PRKAG2: variants seen among roughly 807,000 people sequenced by gnomAD.
PRKAG2 encodes the protein 5'-AMP-activated protein kinase subunit gamma-2.
Under a neutral mutation model 69.6 loss-of-function variants are expected in PRKAG2, and 26 were observed. The observed-to-expected ratio is 0.37, with a 90% CI of 0.27 to 0.52. The LOEUF (loss-of-function observed/expected upper bound fraction) is 0.52. Ranked by LOEUF, PRKAG2 falls within the 20% of genes least tolerant of loss-of-function variation. PRKAG2 has a pLI of 0.90. For synonymous variants in PRKAG2, 293 were observed against 285.0 expected, an observed-to-expected ratio of 1.03 and a Z score of -0.28; for missense variants, 557 against 740.0, an observed-to-expected ratio of 0.75 and a Z score of 2.87.
At chr7:151,773,085 GGGAGGGA>G (rs1219594951) in intron 3 of PRKAG2, among the ~76,000 whole-genome samples, 1 of 80,366 alleles carries the variant, frequency 1.2e-5, no homozygotes, top group African/African-American at 5.2e-5. Flanking sequence ...GAGGGAGGGA[GGGAGGGA>G]GGGAAGGGAA....
intron 3 of PRKAG2, among the ~76,000 whole-genome samples, chr7:151,709,896 G>A (rs1254569300): frequency 6.6e-6 from 1 of 152,146 alleles, no homozygotes; most frequent in Non-Finnish European, 1.5e-5. Context: ...TGATGTGACA[G>A]TGACAGTGAC....
chr7:151,605,936 C>CAAAAAAAAAAAAAAAAAAAA lies in PRKAG2; in HGVS notation c.755-10502_755-10483dup, dbSNP rs560080587. On this transcript the variant is annotated intron_variant, in intron 5 of 15. Transcript: ENST00000287878. ...CTGGCGACAGAGCGAGACTCCGTCT[C>CAAAAAAAAAAAAAAAAAAAA]AAAAAAAAAAAAAAAAAAAAGAATT... Among the ~76,000 whole-genome samples, 154 of 91,034 alleles carry CAAAAAAAAAAAAAAAAAAAA rather than the reference C, an allele frequency of 1.7e-3. 3 individuals carry two copies. The highest frequency in any genetic ancestry group is 5.8e-3 in the African/African-American group (151 of 25,868). 59.7% of individuals were successfully genotyped at this position (91,034 alleles called of 152,430 possible). A position where few individuals can be genotyped will look rare whatever the true frequency, so the allele number is the denominator to read the frequency against.
chr7:151,764,306 C>T (rs1197412191), intron 3 of PRKAG2, among the ~76,000 whole-genome samples: 1 of 152,234 alleles, frequency 6.6e-6, no homozygotes, highest in Non-Finnish European at 1.5e-5. Context: ...GAGCGCAGCC[C>T]AGCCCAGGAG....
chr7:151,624,705 C>T (rs1040619800), intron 5 of PRKAG2, among the ~76,000 whole-genome samples: 11 of 152,286 alleles, frequency 7.2e-5, no homozygotes, highest in South Asian at 6.2e-4. Flanking sequence ...CAACTGCAAA[C>T]GTCACAAGCC....
At position 151,644,582 on chromosome 7, in the gene PRKAG2, A is replaced by G. The variant is rs147438765; in HGVS notation, c.685-12444T>C. 2.6e-3 allele frequency among the ~76,000 whole-genome samples: 402 copies of G among 152,338 alleles called. 3 individuals are homozygous for G. Among genetic ancestry groups the G allele is most frequent in the African/African-American group, 9.0e-3 (374 of 41,574 alleles). ...TGGATAGACCCCATTTTGTCTATTC[A>G]TTCACCAGTTGATGGACATGTGGGA... On this transcript the variant is annotated intron_variant, in intron 4 of 15. Transcript: ENST00000287878.
chr7:151,632,144 G>T lies in PRKAG2; in HGVS notation c.685-6C>A, dbSNP rs772481251. 6 of 1,395,218 alleles carry T rather than the reference G, an allele frequency of 4.3e-6. No individual in the cohort carries two copies. The South Asian group carries it at 7.2e-5, about 17-fold the overall frequency. The allele number at this position is 1,395,218 out of a possible 1,614,324, so 86.4% of individuals were successfully genotyped here. On this transcript the variant is annotated splice_region_variant and splice_polypyrimidine_tract_variant and intron_variant, in intron 4 of 15. Transcript: ENST00000287878. This position sits in a 1 kb window ranked among gnomAD's most constrained non-coding sequence, Gnocchi z 4.2. The stretch of plus-strand genomic sequence containing the variant: ...AGGGCCGCCGCCAGCGCCGCCTGAG[G>T]GGGAGGAGGAGGACAGCGATCAGCA...
chr7:151,614,102 G>A lies in PRKAG2; in HGVS notation c.754+17967C>T, dbSNP rs1819524525. On this transcript the variant is annotated intron_variant, in intron 5 of 15. Coordinates refer to ENST00000287878, the MANE Select transcript of PRKAG2 (RefSeq NM_016203.4). This position sits in a 1 kb window ranked among gnomAD's most constrained non-coding sequence, Gnocchi z 4.4. ...AGTGACCAACTCTCTGGTCTCACTGGAGCCGACCAGGAGGTGCCCCGTTCC... is the reference window on the plus strand; with the variant it reads ...AGTGACCAACTCTCTGGTCTCACTGAAGCCGACCAGGAGGTGCCCCGTTCC... Among the ~76,000 whole-genome samples the A allele has an allele frequency of 6.6e-6, 1 of 152,100 alleles. No individual in the cohort carries two copies. Among genetic ancestry groups the A allele is most frequent in the South Asian group, 2.1e-4 (1 of 4,816 alleles).
intron 1 of PRKAG2, among the ~76,000 whole-genome samples, chr7:151,865,093 A>T (rs986384179): frequency 6.6e-6 from 1 of 152,234 alleles, no homozygotes; most frequent in Admixed American, 6.5e-5. Flanking sequence ...CCCTGTGCAC[A>T]TGACCTTGCT....
chr7:151,827,746 A>T (rs561074375), intron 1 of PRKAG2, among the ~76,000 whole-genome samples: 33 of 47,750 alleles, frequency 6.9e-4, no homozygotes, highest in African/African-American at 1.9e-3. Context: ...GGCCTTAGGT[A>T]AAAAAAAAAA....
At chr7:151,669,937 C>CACACCTGCATGCACAT (rs1831684782) in intron 4 of PRKAG2, among the ~76,000 whole-genome samples, 27 of 135,466 alleles carry the variant, frequency 2.0e-4, no homozygotes, top group African/African-American at 2.3e-4. Context: ...CCTGTGCACA[C>CACACCTGCATGCACAT]ACTTGCATGT....
At position 151,614,429 on chromosome 7, in the gene PRKAG2, AG is replaced by A. The variant is rs1420111274; in HGVS notation, c.754+17639del. Among the ~76,000 whole-genome samples the A allele has an allele frequency of 6.6e-6, 1 of 152,122 alleles. No individual in the cohort carries two copies. Among genetic ancestry groups the A allele is most frequent in the Non-Finnish European group, 1.5e-5 (1 of 68,002 alleles). On this transcript the variant is annotated intron_variant, in intron 5 of 15. Coordinates refer to ENST00000287878, the MANE Select transcript of PRKAG2 (RefSeq NM_016203.4). This position sits in a 1 kb window ranked among gnomAD's most constrained non-coding sequence, Gnocchi z 4.4. Reference sequence around the variant, plus strand: ...CCAGAAGCCACACAGGGGCTCACACAGGAGGCTGAAAAAATCAGGGCTGCGT... The same window carrying A: ...CCAGAAGCCACACAGGGGCTCACACAGAGGCTGAAAAAATCAGGGCTGCGT...
At position 151,781,364 on chromosome 7, in the gene PRKAG2, G is replaced by T. The variant is rs753496711; in HGVS notation, c.254C>A (p.Pro85His). ...GFFSRGPQPR[P>H]SSPMSAPVRP... ...CACAGGTGCAGACATGGGGCTGGAG[G>T]GCCGGGGCTGGGGGCCTCTGGAGAA... is the stretch of plus-strand genomic sequence containing the variant. Residue 85 changes from proline to histidine, a missense_variant, in exon 3 of 16, where the codon CCC becomes CAC. Pro to His is a moderately conservative substitution (Grantham distance 77, BLOSUM62 -2). This residue lies in a region of PRKAG2 where 352 missense variants were observed against 356.7 expected (regional missense o/e 0.99). Coordinates refer to ENST00000287878, the MANE Select transcript of PRKAG2 (RefSeq NM_016203.4). The surrounding 1 kb of genome is among the most constrained non-coding windows in gnomAD (Gnocchi z 6.1). 26 of 1,613,254 alleles carry T rather than the reference G, an allele frequency of 1.6e-5. No homozygotes were observed. The highest frequency in any genetic ancestry group is 2.2e-5 in the Non-Finnish European group (26 of 1,179,800).
In PRKAG2 at chr7:151,638,057, C is replaced by G. The variant is rs1297144138; in HGVS notation, c.685-5919G>C. Reference sequence around the variant, plus strand: ...TCAGCATCAGGGATGTTTGATGTAGCAAAAACAGACCAAATCCACCACCCA... The same window carrying G: ...TCAGCATCAGGGATGTTTGATGTAGGAAAAACAGACCAAATCCACCACCCA... On this transcript the variant is annotated intron_variant, in intron 4 of 15. Coordinates refer to ENST00000287878, the MANE Select transcript of PRKAG2 (RefSeq NM_016203.4). This position sits in a 1 kb window ranked among gnomAD's most constrained non-coding sequence, Gnocchi z 4.3. 1.3e-5 allele frequency among the ~76,000 whole-genome samples: 2 copies of G among 152,142 alleles called. No individual in the cohort carries two copies. Among genetic ancestry groups the G allele is most frequent in the Non-Finnish European group, 2.9e-5 (2 of 68,032 alleles).
chr7:151,634,078 T>C (rs1825326112), intron 4 of PRKAG2, among the ~76,000 whole-genome samples: 1 of 152,200 alleles, frequency 6.6e-6, no homozygotes, highest in Non-Finnish European at 1.5e-5. Flanking sequence ...TACAGTAGAA[T>C]TCTTTAATCT....
At chr7:151,783,694 G>T (rs1475450548) in intron 2 of PRKAG2, among the ~76,000 whole-genome samples, 1 of 151,892 alleles carries the variant, frequency 6.6e-6, no homozygotes, top group Non-Finnish European at 1.5e-5. Flanking sequence ...GCCGAGGTGG[G>T]TGGATCACCT....
chr7:151,832,392 G>A (rs558746176), intron 1 of PRKAG2, among the ~76,000 whole-genome samples: 2 of 152,232 alleles, frequency 1.3e-5, no homozygotes, highest in South Asian at 4.1e-4. Flanking sequence ...CCGACTTCTG[G>A]GCAGTGTTCA....
chr7:151,800,283 G>A (rs536914137), intron 1 of PRKAG2, among the ~76,000 whole-genome samples: 20 of 151,858 alleles, frequency 1.3e-4, no homozygotes, highest in South Asian at 8.3e-4. Flanking sequence ...GCGTGAACCC[G>A]GGAGGCGGAG....
chr7:151,795,057 C>T (rs2077431081), intron 1 of PRKAG2, among the ~76,000 whole-genome samples: 2 of 152,206 alleles, frequency 1.3e-5, no homozygotes, highest in Non-Finnish European at 2.9e-5. Context: ...GTTCAGGGCC[C>T]CAGGGCAGCC....
chr7:151,772,518 T>G (rs2076067196), intron 3 of PRKAG2, among the ~76,000 whole-genome samples: 1 of 152,216 alleles, frequency 6.6e-6, no homozygotes, highest in Non-Finnish European at 1.5e-5. Flanking sequence ...GCTCTGAGAA[T>G]CAAGCCTGCA....
Sources: gnomAD v4.1 joint callset for allele counts (sites outside exome capture counted in the v4.1 genomes callset) on GRCh38, gnomAD v4.1.1 for gene constraint, gnomAD v4.1.1 regional missense constraint, Gnocchi (gnomAD v3.1) non-coding constraint, MANE v1.5 for transcripts, NCBI Gene and HGNC (gene_info 2026-07-23, HGNC 2026-07-21) for gene names.